The following FGF1 variants were observed in gnomAD, a reference collection of about 807,000 sequenced individuals.
The protein encoded by FGF1 is fibroblast growth factor 1.
In FGF1, 9 loss-of-function variants were observed where a neutral mutation model predicts 13.4. The ratio of observed to expected loss-of-function variants is 0.67; its 90% CI spans 0.40 to 1.17. FGF1 has a LOEUF of 1.17. Among genes scored for constraint, FGF1 ranks in the 50% most tolerant of loss-of-function variants. FGF1 has a pLI of 0.01. For synonymous variants in FGF1, 93 were observed against 79.0 expected (o/e 1.18, Z -0.94); for missense variants, 156 against 192.7 (o/e 0.81, Z 1.13).
At chr5:142,695,597 A>AAC (rs1554097158) in intron 2 of FGF1, among the ~76,000 whole-genome samples, 1 of 151,708 alleles carries the variant, frequency 6.6e-6, no homozygotes, top group African/African-American at 2.4e-5. Flanking sequence ...GAAAAAAAAA[A>AAC]AAAGAAAGAA....
upstream of FGF1, among the ~76,000 whole-genome samples, chr5:142,686,744 A>G (rs1435200762): frequency 1.3e-5 from 2 of 152,282 alleles, no homozygotes; most frequent in Non-Finnish European, 2.9e-5. Context: ...TACGAAGTCA[A>G]TCGAGGCAAA....
At chr5:142,617,889 A>G (rs1195287965) in intron 1 of FGF1, among the ~76,000 whole-genome samples, 1 of 152,216 alleles carries the variant, frequency 6.6e-6, no homozygotes, top group Non-Finnish European at 1.5e-5. Context: ...GGGTAGAAAT[A>G]AAGGAAGTAT....
intron 1 of FGF1, among the ~76,000 whole-genome samples, chr5:142,643,215 A>G (rs1765470855): frequency 6.6e-6 from 1 of 152,162 alleles, no homozygotes; most frequent in East Asian, 1.9e-4. Context: ...AATCAAGGTC[A>G]TAACAATTAT....
chr5:142,652,904 C>A (rs558814955), intron 1 of FGF1, among the ~76,000 whole-genome samples: 66 of 152,282 alleles, frequency 4.3e-4, no homozygotes, highest in African/African-American at 1.5e-3. Context: ...CAGACAGAGT[C>A]AAAAATGGGT....
At chr5:142,651,598 C>T (rs946577760) in intron 1 of FGF1, among the ~76,000 whole-genome samples, 5 of 152,152 alleles carry the variant, frequency 3.3e-5, no homozygotes, top group Non-Finnish European at 7.3e-5. Context: ...ATTATCGTTT[C>T]CTACAGTGTA....
At chr5:142,620,213 C>T (rs529397468) in intron 1 of FGF1, among the ~76,000 whole-genome samples, 19 of 152,066 alleles carry the variant, frequency 1.2e-4, no homozygotes, top group African/African-American at 3.6e-4. Context: ...GTAAGGAGAT[C>T]GAGACCATCC....
At chr5:142,643,564 T>C (rs181288476) in intron 1 of FGF1, among the ~76,000 whole-genome samples, 18 of 152,278 alleles carry the variant, frequency 1.2e-4, no homozygotes, top group Admixed American at 9.8e-4. Flanking sequence ...TCTAGGAAAA[T>C]AGGGCTTTTC....
Position 142,672,156 on chromosome 5 carries a change from A to G in FGF1, c.-35+13801T>C, listed in dbSNP as rs147150799. Among the ~76,000 whole-genome samples, 19 of 152,346 alleles carry G rather than the reference A, an allele frequency of 1.2e-4. No homozygotes were observed. The East Asian group carries it at 3.7e-3, about 29-fold the overall frequency. On this transcript the variant is annotated intron_variant, in intron 1 of 3. Transcript: ENST00000337706. ...TAGGTAGATAAAGAGACAGACACAG[A>G]CATAAACAGGAAAAAACTGAAAAGG... is the stretch of plus-strand genomic sequence containing the variant.
chr5:142,644,691 T>C (rs2070715), intron 1 of FGF1, among the ~76,000 whole-genome samples: 69,919 of 152,058 alleles, frequency 0.46, 18,010 homozygotes, highest in Non-Finnish European at 0.59. Flanking sequence ...CATATTCTGT[T>C]ATGATATTTT....
intron 1 of FGF1, among the ~76,000 whole-genome samples, chr5:142,637,244 A>T (rs1020699700): frequency 6.6e-6 from 1 of 151,974 alleles, no homozygotes; most frequent in East Asian, 1.9e-4. Flanking sequence ...ATAATTTCCA[A>T]ACAAGATGTG....
chr5:142,649,171 T>C (rs574549678), intron 1 of FGF1, among the ~76,000 whole-genome samples: 1 of 152,322 alleles, frequency 6.6e-6, no homozygotes, highest in Non-Finnish European at 1.5e-5. Context: ...GATTCCCTTT[T>C]TCATAACATT....
At chr5:142,609,032 A>G (rs946995316) in intron 2 of FGF1, among the ~76,000 whole-genome samples, 2 of 151,898 alleles carry the variant, frequency 1.3e-5, no homozygotes, top group Non-Finnish European at 2.9e-5. Context: ...CTTCGGGTCT[A>G]TGTTGGTGGG....
At chr5:142,648,689 CAAAAAAAAAAAAAAA>C (rs11451715) in intron 1 of FGF1, among the ~76,000 whole-genome samples, 2 of 66,212 alleles carry the variant, frequency 3.0e-5, no homozygotes, top group African/African-American at 1.2e-4. Context: ...CCCCACCAAC[CAAAAAAAAAAAAAAA>C]AAAAAAAAAG....
rs114514503 is a variant in FGF1 at position 142,603,124 on chromosome 5, G to A, written c.170-2319C>T. 1.8e-3 allele frequency among the ~76,000 whole-genome samples: 271 copies of A among 152,248 alleles called. 1 individual carries two copies. Among genetic ancestry groups the A allele is most frequent in the African/African-American group, 6.2e-3 (258 of 41,528 alleles). ...TAGCCGTGAGGGAACAGGCCTATGG[G>A]CCTCCACTGTAAGCTGGGCCCTGCT... On this transcript the variant is annotated intron_variant, in intron 2 of 3. Transcript: ENST00000337706.
chr5:142,654,531 T>C (rs1342685947), intron 1 of FGF1, among the ~76,000 whole-genome samples: 2 of 152,246 alleles, frequency 1.3e-5, no homozygotes, highest in African/African-American at 4.8e-5. Flanking sequence ...AGAAAGGATG[T>C]CTGCCCCTTC....
intron 1 of FGF1, among the ~76,000 whole-genome samples, chr5:142,673,561 A>G (rs1347008688): frequency 6.6e-6 from 1 of 152,162 alleles, no homozygotes; most frequent in Non-Finnish European, 1.5e-5. Context: ...ATTGTGGGAT[A>G]TGGTTCTATG....
chr5:142,665,713 T>C (rs1770177782), intron 1 of FGF1, among the ~76,000 whole-genome samples: 1 of 152,110 alleles, frequency 6.6e-6, no homozygotes, highest in South Asian at 2.1e-4. Context: ...ACTTAGAGCC[T>C]CCCCATATCT....
rs1561776381 is a variant in FGF1 at position 142,692,707 on chromosome 5, A to ACAC, written c.-35+4914_-35+4915insGTG. Among the ~76,000 whole-genome samples, 243 of 150,550 alleles carry ACAC rather than the reference A, an allele frequency of 1.6e-3. 1 individual carries two copies. Among genetic ancestry groups the ACAC allele is most frequent in the African/African-American group, 5.7e-3 (230 of 40,144 alleles). Reference sequence around the variant, plus strand: ...CACGCACACACACACACACACGCACAGACACACACACACACACAGTTTTAC... The same window carrying ACAC: ...CACGCACACACACACACACACGCACACACGACACACACACACACACAGTTTTAC... On this transcript the variant is annotated intron_variant, in intron 2 of 4. Transcript: ENST00000407758.
chr5:142,686,177 C>T (rs1209872820), upstream of FGF1: 1 of 151,810 alleles, frequency 6.6e-6, no homozygotes, highest in Non-Finnish European at 1.5e-5. Context: ...CTACCCGTCC[C>T]TAGGGCTCTG....
Sources: gnomAD v4.1 joint callset for allele counts (sites outside exome capture counted in the v4.1 genomes callset) on GRCh38, gnomAD v4.1.1 for gene constraint, MANE v1.5 for transcripts, NCBI Gene and HGNC (gene_info 2026-07-23, HGNC 2026-07-21) for gene names.